Variants in KLHL10 observed in about 807,000 individuals in gnomAD.
KLHL10 encodes the protein kelch like family member 10.
KLHL10 carries 11 observed loss-of-function variants against 46.6 expected under a neutral mutation model. The observed-to-expected ratio is 0.24, with a 90% CI of 0.15 to 0.39. The LOEUF (loss-of-function observed/expected upper bound fraction) is 0.39, where lower values mean the gene tolerates loss of function less well. Among genes scored for constraint, KLHL10 ranks in the 10% least tolerant of loss-of-function variants. KLHL10 has a pLI of 1.00. For missense variants in KLHL10, 475 were observed against 789.8 expected (o/e 0.60, Z 4.78); for synonymous variants, 254 against 279.1 (o/e 0.91, Z 0.90).
rs573423277 is a variant in KLHL10 at position 41,848,286 on chromosome 17, G to A, written c.1806G>A (p.Ser602=). 9.3e-6 allele frequency: 15 copies of A among 1,610,950 alleles called. No homozygotes were observed. Among genetic ancestry groups the A allele is most frequent in the South Asian group, 3.3e-5 (3 of 91,038 alleles). The change falls in exon 5 of 5, where the codon TCG becomes TCA. Residue 602 remains serine, a synonymous_variant. Coordinates refer to ENST00000293303, the MANE Select transcript of KLHL10 (RefSeq NM_152467.5). ...GAGATGAAGTAAAATATTCTGCTTC[G>A]ACAAGTACCCTACCTGTATGAGCCT... ...ALRDEVKYSA[S]TSTLPV
At chr17:41,841,553 T>C (rs1241757590) in intron 1 of KLHL10, among the ~76,000 whole-genome samples, 1 of 152,144 alleles carries the variant, frequency 6.6e-6, no homozygotes, top group African/African-American at 2.4e-5. Context: ...GACCTCATGA[T>C]CCACCCGCTT....
upstream of KLHL10, chr17:41,837,762 A>G (rs781951016): frequency 7.0e-7 from 1 of 1,434,922 alleles, no homozygotes; most frequent in Non-Finnish European, 9.1e-7. Flanking sequence ...ACCTGAGAGC[A>G]CAATCCTGTG....
At chr17:41,836,217 C>T (rs1555620034), upstream of KLHL10, 3 of 1,241,384 alleles carry the variant, frequency 2.4e-6, no homozygotes, top group Non-Finnish European at 3.0e-6. Context: ...TGGTCGGCGG[C>T]TCGCGGGACA....
chr17:41,847,543 T>C (rs2048302437), intron 4 of KLHL10, 133 bp downstream of exon 4: 2 of 1,050,248 alleles, frequency 1.9e-6, no homozygotes, highest in South Asian at 1.3e-5. Context: ...TCTCGCTCTG[T>C]TGCCCAGGCT....
Position 41,845,434 on chromosome 17 carries a change from C to A in KLHL10, c.993C>A (p.Tyr331Ter). The A allele has an allele frequency of 6.2e-7, 1 of 1,614,164 alleles. No homozygotes were observed. Among genetic ancestry groups the A allele is most frequent in the Non-Finnish European group, 8.5e-7 (1 of 1,180,032 alleles). ...VTCEEESPRA[Y>*]HGAAYLKGYV... Reference sequence around the variant, plus strand: ...GTGAGGAAGAGAGTCCCCGTGCCTACCATGGGGCAGCCTATTTGAAAGGCT... The same window carrying A: ...GTGAGGAAGAGAGTCCCCGTGCCTAACATGGGGCAGCCTATTTGAAAGGCT... Residue 331 changes from tyrosine to a stop codon, truncating the protein, a stop_gained, in exon 3 of 5, where the codon TAC becomes TAA. Transcript: ENST00000293303. LOFTEE classifies it high-confidence loss of function.
intron 1 of KLHL10, among the ~76,000 whole-genome samples, chr17:41,839,885 CTTT>C (rs60235732): frequency 6.9e-6 from 1 of 144,690 alleles, no homozygotes; most frequent in African/African-American, 2.6e-5. Flanking sequence ...GCTAATTTTT[CTTT>C]TTTTTTTTGA....
chr17:41,841,751 G>C, intron 1 of KLHL10, 72 bp from the exon 2 acceptor site: 1 of 1,595,080 alleles, frequency 6.3e-7, no homozygotes, highest in Non-Finnish European at 8.6e-7. Context: ...CACTTTCTCA[G>C]ACCATTTCCA....
upstream of KLHL10, chr17:41,836,192 A>C: frequency 8.0e-7 from 1 of 1,257,132 alleles, no homozygotes; most frequent in Non-Finnish European, 1.0e-6. Context: ...CTCCTCTGCC[A>C]TCCCGTTCGA....
intron 2 of KLHL10, 61 bp downstream of exon 2, chr17:41,842,373 C>T: frequency 6.3e-7 from 1 of 1,596,664 alleles, no homozygotes; most frequent in Non-Finnish European, 8.6e-7. Context: ...AAAATTCAGA[C>T]ATATGACAGA....
At chr17:41,838,944 C>G (rs940095407) in intron 1 of KLHL10, among the ~76,000 whole-genome samples, 1 of 152,068 alleles carries the variant, frequency 6.6e-6, no homozygotes. Flanking sequence ...CCGTCTTGAC[C>G]TCCCAAAGTG....
Position 41,845,693 on chromosome 17 carries a change from C to G in KLHL10, c.1252C>G (p.Pro418Ala). The G allele has an allele frequency of 6.2e-7, 1 of 1,612,802 alleles. No homozygotes were observed. ...GACCAATCAATGGACACTCATCGCC[C>G]CCATGCACGAACAGAGGAGTGATGC... The part of the protein sequence containing the change: ...PETNQWTLIA[P>A]MHEQRSDASA... Residue 418 changes from proline to alanine, a missense_variant, in exon 3 of 5, where the codon CCC becomes GCC. Transcript: ENST00000293303.
rs1555620309 is a variant in KLHL10 at position 41,837,892 on chromosome 17, C to A, written c.-41C>A. 6.2e-7 allele frequency: 1 copy of A among 1,611,678 alleles called. No homozygotes were observed. The highest frequency in any genetic ancestry group is 8.5e-7 in the Non-Finnish European group (1 of 1,179,716). ...AGGGGCCCCCCACAACCCTCCCCGA[C>A]ACCCTAGGAAAGCAGCCTCTCTCCG... is the stretch of plus-strand genomic sequence containing the variant. On this transcript the variant is annotated 5_prime_UTR_variant, in exon 1 of 5. Transcript: ENST00000293303.
chr17:41,842,374 A>G (rs2048235223), intron 2 of KLHL10, 62 bp downstream of exon 2: 1 of 1,595,564 alleles, frequency 6.3e-7, no homozygotes, highest in Non-Finnish European at 8.6e-7. Flanking sequence ...AAATTCAGAC[A>G]TATGACAGAT....
At position 41,842,265 on chromosome 17, in the gene KLHL10, C is replaced by T. The variant is rs371552751; in HGVS notation, c.637C>T (p.His213Tyr). 2 of 1,614,136 alleles carry T rather than the reference C, an allele frequency of 1.2e-6. No homozygotes were observed. Among genetic ancestry groups the T allele is most frequent in the East Asian group, 2.2e-5 (1 of 44,886 alleles). The change falls in exon 2 of 5, where the codon CAT (histidine) becomes TAT (tyrosine). Residue 213 changes from histidine to tyrosine, a missense_variant. Transcript: ENST00000293303. The stretch of plus-strand genomic sequence containing the variant: ...TGAGGCCATTTTAAAGTGGATTTCT[C>T]ATGACCCCCAAAATAGAAAGCAGCA... ...VFEAILKWIS[H>Y]DPQNRKQHIS...
chr17:41,842,641 T>C (rs2048238106), intron 2 of KLHL10, among the ~76,000 whole-genome samples: 1 of 151,858 alleles, frequency 6.6e-6, no homozygotes, highest in South Asian at 2.1e-4. Context: ...GGTTATAAAA[T>C]TTAAAAAGTA....
intron 1 of KLHL10, among the ~76,000 whole-genome samples, chr17:41,839,557 C>T (rs1221780051): frequency 6.6e-6 from 1 of 152,172 alleles, no homozygotes; most frequent in Admixed American, 6.5e-5. Context: ...GGAGTTTGGG[C>T]TAAAACCATT....
intron 4 of KLHL10, 67 bp from the exon 5 acceptor site, chr17:41,847,863 CCAA>C (rs1318255365): frequency 6.2e-7 from 1 of 1,601,382 alleles, no homozygotes; most frequent in Admixed American, 1.7e-5. Flanking sequence ...ACTGGTACCC[CCAA>C]CAAGGGCTTC....
intron 1 of KLHL10, among the ~76,000 whole-genome samples, chr17:41,838,645 TGTTTG>T (rs1567867028): frequency 7.5e-5 from 6 of 79,904 alleles, no homozygotes; most frequent in Non-Finnish European, 1.3e-4. Flanking sequence ...TTTTTTTTTT[TGTTTG>T]TTTTGTTTTT....
rs1555620334 is a variant in KLHL10 at position 41,837,942 on chromosome 17, G to C, written c.10G>C (p.Glu4Gln). 6.2e-7 allele frequency: 1 copy of C among 1,613,864 alleles called. No individual in the cohort carries two copies. ...GCTGTCCCAGGGTGCCATGGAGATGGAGAGCGCGGCGGCCTCCACACGTTT... is the reference window on the plus strand; with the variant it reads ...GCTGTCCCAGGGTGCCATGGAGATGCAGAGCGCGGCGGCCTCCACACGTTT... MEM[E>Q]SAAASTRFHQ... The change falls in exon 1 of 5, where the codon GAG becomes CAG. Residue 4 changes from glutamate to glutamine, a missense_variant. Glu to Gln is a conservative substitution (Grantham distance 29). Transcript: ENST00000293303.
Sources: gnomAD v4.1 joint callset for allele counts (sites outside exome capture counted in the v4.1 genomes callset) on GRCh38, gnomAD v4.1.1 for gene constraint, MANE v1.5 for transcripts, NCBI Gene and HGNC (gene_info 2026-07-23, HGNC 2026-07-21) for gene names.